Variants in N4BP1 observed in about 807,000 individuals in gnomAD.
N4BP1 encodes the protein NEDD4-binding protein 1.
In N4BP1, 21 loss-of-function variants were observed where a neutral mutation model predicts 70.9. The observed-to-expected ratio is 0.30, with a 90% CI of 0.21 to 0.43. N4BP1 has a LOEUF of 0.43. Ranked by LOEUF, N4BP1 falls within the 20% of genes least tolerant of loss-of-function variation. The probability of loss-of-function intolerance (pLI) is 1.00; values close to 1 mark genes in which losing one functional copy is unlikely to be tolerated. For synonymous variants in N4BP1, 387 were observed against 394.6 expected (o/e 0.98, Z 0.23); for missense variants, 936 against 1,069.4 (o/e 0.88, Z 1.74).
chr16:48,608,272 G>A (rs1567449948), intron 1 of N4BP1, among the ~76,000 whole-genome samples: 1 of 152,128 alleles, frequency 6.6e-6, no homozygotes, highest in East Asian at 1.9e-4. Flanking sequence ...CAAAGTGCTA[G>A]GATTACAGGC....
intron 1 of N4BP1, among the ~76,000 whole-genome samples, chr16:48,563,360 A>G (rs530875492): frequency 6.6e-6 from 1 of 152,058 alleles, no homozygotes; most frequent in South Asian, 2.1e-4. Flanking sequence ...ATCTCTAAAA[A>G]AAAATTTTTT....
At position 48,561,009 on chromosome 16, in the gene N4BP1, C is replaced by A. The variant is rs374454235; in HGVS notation, c.1634G>T (p.Arg545Leu). 1 of 1,613,972 alleles carries A rather than the reference C, an allele frequency of 6.2e-7. No individual in the cohort carries two copies. Among genetic ancestry groups the A allele is most frequent in the Non-Finnish European group, 8.5e-7 (1 of 1,179,868 alleles). Residue 545 changes from arginine (R) to leucine (L), a missense_variant, in exon 2 of 7, where the codon CGT becomes CTT. Physicochemically the swap from Arg to Leu is moderately radical, Grantham distance 102. This residue lies in a region of N4BP1 where 515 missense variants were observed against 491.7 expected (regional missense o/e 1.05). Transcript: ENST00000262384. ...ATGAGGAGAACTACAACATCCTAAA[C>A]GTTTTTCACAGGCAGATTTCATATT... ...PNNMKSACEK[R>L]LGCCSSPHSK...
chr16:48,590,322 TA>T (rs1964315846), intron 1 of N4BP1, among the ~76,000 whole-genome samples: 1 of 152,132 alleles, frequency 6.6e-6, no homozygotes, highest in African/African-American at 2.4e-5. Context: ...AAATTATCTT[TA>T]AAAACTGATC....
intron 1 of N4BP1, among the ~76,000 whole-genome samples, chr16:48,585,351 A>G (rs1307801791): frequency 6.6e-6 from 1 of 151,886 alleles, no homozygotes; most frequent in African/African-American, 2.4e-5. Context: ...AAAATATAAA[A>G]TTTGGCCCAG....
chr16:48,581,692 T>C (rs1298086313), intron 1 of N4BP1, among the ~76,000 whole-genome samples: 1 of 152,080 alleles, frequency 6.6e-6, no homozygotes, highest in African/African-American at 2.4e-5. Flanking sequence ...CACAAATAAA[T>C]GGAATGATAT....
intron 6 of N4BP1, 139 bp from the exon 7 acceptor site, chr16:48,543,400 G>A (rs1308767972): frequency 4.6e-6 from 3 of 652,010 alleles, no homozygotes; most frequent in African/African-American, 1.8e-5. Context: ...GCAAGACTGA[G>A]GTGGAGATGG....
At chr16:48,584,297 T>G (rs1964212666) in intron 1 of N4BP1, among the ~76,000 whole-genome samples, 1 of 152,232 alleles carries the variant, frequency 6.6e-6, no homozygotes, top group African/African-American at 2.4e-5. Context: ...TCGGGACCAA[T>G]GAAAGAACTG....
At chr16:48,566,641 T>C (rs931575281) in intron 1 of N4BP1, among the ~76,000 whole-genome samples, 2 of 152,208 alleles carry the variant, frequency 1.3e-5, no homozygotes, top group African/African-American at 4.8e-5. Context: ...TCTATCTTGA[T>C]AGTTCTATGG....
chr16:48,582,058 T>C (rs911702400), intron 1 of N4BP1, among the ~76,000 whole-genome samples: 4 of 151,916 alleles, frequency 2.6e-5, no homozygotes, highest in African/African-American at 9.7e-5. Context: ...ACATAAGAGG[T>C]TAATATCCAA....
At chr16:48,609,741 G>A in intron 1 of N4BP1, 34 bp downstream of exon 1, 1 of 1,315,384 alleles carries the variant, frequency 7.6e-7, no homozygotes, top group South Asian at 2.0e-5. Flanking sequence ...ACCGATCGAG[G>A]CCGCGGGCGC....
chr16:48,602,366 A>T (rs993828108), intron 1 of N4BP1, among the ~76,000 whole-genome samples: 2 of 152,244 alleles, frequency 1.3e-5, no homozygotes, highest in South Asian at 4.1e-4. Flanking sequence ...TTCTATGATT[A>T]TATCAATTTC....
chr16:48,581,521 C>A lies in N4BP1; in HGVS notation c.199-19077G>T, dbSNP rs569174235. Among the ~76,000 whole-genome samples, 36 of 152,194 alleles carry A rather than the reference C, an allele frequency of 2.4e-4. No individual in the cohort carries two copies. The South Asian group carries it at 6.4e-3, about 27-fold the overall frequency. On this transcript the variant is annotated intron_variant, in intron 1 of 6. Transcript: ENST00000262384. The stretch of plus-strand genomic sequence containing the variant: ...AACCCCTAACAGTCCACCAAAAAAA[C>A]CCCCAGAATTATTGAATTCCATAAA...
At position 48,554,721 on chromosome 16, in the gene N4BP1, A is replaced by G. The variant is rs575766165; in HGVS notation, c.1890-1052T>C. On this transcript the variant is annotated intron_variant, in intron 2 of 6. Transcript: ENST00000262384. ...CTCTCCATGTCTAATGCTGCATGCC[A>G]AAACTGCTCTGTAGAAATACTTCAC... Among the ~76,000 whole-genome samples the G allele has an allele frequency of 2.2e-4, 34 of 152,332 alleles. 1 individual carries two copies. The South Asian group carries it at 6.8e-3, about 31-fold the overall frequency.
intron 1 of N4BP1, among the ~76,000 whole-genome samples, chr16:48,575,391 A>G: frequency 6.6e-6 from 1 of 152,216 alleles, no homozygotes; most frequent in East Asian, 1.9e-4. Context: ...GGCATGATAT[A>G]CATGATATAT....
At chr16:48,593,069 AG>A (rs1964359819) in intron 1 of N4BP1, among the ~76,000 whole-genome samples, 1 of 152,336 alleles carries the variant, frequency 6.6e-6, no homozygotes, top group Middle Eastern at 3.4e-3. Flanking sequence ...AAAGATTATT[AG>A]GTCCCCTAAA....
rs184859791 is a variant in N4BP1, at chr16:48,573,950, G to A, written c.199-11506C>T. Among the ~76,000 whole-genome samples the A allele has an allele frequency of 1.5e-4, 23 of 152,270 alleles. No homozygotes were observed. In the East Asian group the frequency reaches 4.4e-3, roughly 29 times the overall value. ...TCATCCTTACCTTCACTTTGAATAA[G>A]CTGAGGAGGAGGGGGATTGGTCTTG... On this transcript the variant is annotated intron_variant, in intron 1 of 6. Coordinates refer to ENST00000262384, the MANE Select transcript of N4BP1 (RefSeq NM_153029.4).
chr16:48,545,672 C>G (rs1038891664), intron 6 of N4BP1, among the ~76,000 whole-genome samples: 1 of 151,610 alleles, frequency 6.6e-6, no homozygotes, highest in Admixed American at 6.6e-5. Context: ...GTTGAAAATC[C>G]GGGATGCTTG....
chr16:48,562,098 A>C lies in N4BP1; in HGVS notation c.545T>G (p.Leu182Trp), dbSNP rs1411824911. The C allele has an allele frequency of 6.2e-7, 1 of 1,613,630 alleles. No homozygotes were observed. The highest frequency in any genetic ancestry group is 8.5e-7 in the Non-Finnish European group (1 of 1,179,848). The part of the protein sequence containing the change: ...TMDLLILPTS[L>W]KKELLTLTQG... ...TGTGAGTGTCAAAAGTTCTTTTTTC[A>C]AGGAAGTGGGCAAAATCAACAAATC... Residue 182 changes from leucine (L) to tryptophan (W), a missense_variant, in exon 2 of 7, where the codon TTG becomes TGG. By Grantham distance (61) the Leu-to-Trp change is moderately conservative. Transcript: ENST00000262384.
chr16:48,565,619 A>G (rs1115759), intron 1 of N4BP1, among the ~76,000 whole-genome samples: 51,704 of 152,038 alleles, frequency 0.34, 8,927 homozygotes, highest in South Asian at 0.41. Context: ...GTCTGCGTTT[A>G]CCATCAGAGT....
Sources: gnomAD v4.1 joint callset for allele counts (sites outside exome capture counted in the v4.1 genomes callset) on GRCh38, gnomAD v4.1.1 for gene constraint, gnomAD v4.1.1 regional missense constraint, MANE v1.5 for transcripts, NCBI Gene and HGNC (gene_info 2026-07-23, HGNC 2026-07-21) for gene names.